The following LINGO1 variants were observed in gnomAD, a reference collection of about 807,000 sequenced individuals.
LINGO1 encodes leucine rich repeat and Ig domain containing 1.
A neutral mutation model predicts 37.3 loss-of-function variants in LINGO1; 11 were observed. The observed-to-expected ratio is 0.29, with a 90% CI of 0.19 to 0.49. LINGO1 has a LOEUF of 0.49. Ranked by LOEUF, LINGO1 falls within the 20% of genes least tolerant of loss-of-function variation. The pLI is 0.99. For synonymous variants in LINGO1, 387 were observed against 403.0 expected, an observed-to-expected ratio of 0.96 and a Z score of 0.48; for missense variants, 585 against 878.2, an observed-to-expected ratio of 0.67 and a Z score of 4.22.
At chr15:77,688,878 G>T (rs1340760319) in intron 2 of LINGO1, among the ~76,000 whole-genome samples, 1 of 152,242 alleles carries the variant, frequency 6.6e-6, no homozygotes, top group Non-Finnish European at 1.5e-5. Context: ...GAGCTTCCTG[G>T]CAGTCAAGAC....
chr15:77,709,887 C>T (rs761042601), intron 2 of LINGO1, among the ~76,000 whole-genome samples: 1 of 152,204 alleles, frequency 6.6e-6, no homozygotes, highest in Non-Finnish European at 1.5e-5. Context: ...GGACTGAGTC[C>T]GTGCATATCA....
At chr15:77,732,495 G>C (rs1458594633) in intron 2 of LINGO1, among the ~76,000 whole-genome samples, 1 of 152,238 alleles carries the variant, frequency 6.6e-6, no homozygotes, top group Non-Finnish European at 1.5e-5. Context: ...AACTCTGGTG[G>C]TGATGATGGG....
At chr15:77,768,645 AG>A (rs1165231481) in intron 1 of LINGO1, among the ~76,000 whole-genome samples, 1 of 151,986 alleles carries the variant, frequency 6.6e-6, no homozygotes, top group African/African-American at 2.4e-5. Flanking sequence ...TATATGGGGG[AG>A]AGAGGCTTAT....
chr15:77,819,108 C>G (rs1166118544), intron 1 of LINGO1, among the ~76,000 whole-genome samples: 1 of 150,560 alleles, frequency 6.6e-6, no homozygotes, highest in African/African-American at 2.4e-5. Flanking sequence ...GCACGCCCCC[C>G]ACGGACGCGC....
intron 1 of LINGO1, among the ~76,000 whole-genome samples, chr15:77,694,779 G>A (rs971636646): frequency 3.3e-5 from 5 of 152,282 alleles, no homozygotes; most frequent in East Asian, 3.9e-4. Context: ...ACGAGGCGTC[G>A]TTCTTACCCC....
At chr15:77,778,949 C>T (rs1001362498) in intron 1 of LINGO1, among the ~76,000 whole-genome samples, 3 of 152,152 alleles carry the variant, frequency 2.0e-5, no homozygotes, top group African/African-American at 7.2e-5. Context: ...ACAATTCCTC[C>T]CCTCTCTTAC....
rs372251111 is a variant in LINGO1, at chr15:77,615,571, G to A, written c.336C>T (p.Pro112=). The A allele has an allele frequency of 1.1e-4, 179 of 1,611,594 alleles. No homozygotes were observed. Among genetic ancestry groups the A allele is most frequent in the Non-Finnish European group, 1.5e-4 (171 of 1,178,896 alleles). Residue 112 remains proline, a synonymous_variant, in exon 2 of 2, where the codon CCC becomes CCT. Coordinates refer to ENST00000355300, the MANE Select transcript of LINGO1 (RefSeq NM_032808.7). ...GGTTGAAGAGGTTGTTGAAGGCGCC[G>A]GGCTCCACGGCGCTCACGATGTTCT... is the stretch of plus-strand genomic sequence containing the variant. ...LNENIVSAVE[P]GAFNNLFNLR...
upstream of LINGO1, among the ~76,000 whole-genome samples, chr15:77,635,729 C>G (rs563384491): frequency 2.7e-4 from 41 of 152,364 alleles, no homozygotes; most frequent in South Asian, 6.4e-3. Flanking sequence ...CTCCTCTCCC[C>G]AGACTGAAAT....
intron 3 of LINGO1, among the ~76,000 whole-genome samples, chr15:77,664,328 G>A (rs1353902198): frequency 6.6e-6 from 1 of 151,998 alleles, no homozygotes; most frequent in East Asian, 1.9e-4. Flanking sequence ...CAAGGTGAAA[G>A]TCCCTGGATG....
At chr15:77,795,354 C>T (rs1468594243) in intron 2 of LINGO1, among the ~76,000 whole-genome samples, 1 of 152,198 alleles carries the variant, frequency 6.6e-6, no homozygotes, top group Admixed American at 6.5e-5. Context: ...GGGGGTCCTG[C>T]TCCTCGTGAT....
At chr15:77,773,327 T>C (rs1286827018) in intron 1 of LINGO1, among the ~76,000 whole-genome samples, 4 of 152,174 alleles carry the variant, frequency 2.6e-5, no homozygotes, top group Non-Finnish European at 5.9e-5. Context: ...GTTATAACAA[T>C]GTGGCCAGCA....
intron 1 of LINGO1, among the ~76,000 whole-genome samples, chr15:77,757,761 T>C (rs8031251): frequency 0.19 from 29,144 of 152,042 alleles, 4,581 homozygotes; most frequent in African/African-American, 0.44. Context: ...CAAGGCACCA[T>C]AGGCCTCCTA....
chr15:77,672,227 G>A (rs1364920794), intron 3 of LINGO1, among the ~76,000 whole-genome samples: 3 of 124,906 alleles, frequency 2.4e-5, no homozygotes, highest in South Asian at 2.9e-4. Flanking sequence ...TCTCAAGCCC[G>A]GGGGGAAGCT....
chr15:77,759,074 T>C (rs1265340405), intron 1 of LINGO1, among the ~76,000 whole-genome samples: 1 of 152,094 alleles, frequency 6.6e-6, no homozygotes, highest in African/African-American at 2.4e-5. Flanking sequence ...TCTGAAGACC[T>C]GGAAAGCACT....
At chr15:77,697,131 C>T (rs528744700), upstream of LINGO1, among the ~76,000 whole-genome samples, 29 of 152,306 alleles carry the variant, frequency 1.9e-4, no homozygotes, top group African/African-American at 4.6e-4. Context: ...GCAATAGAGC[C>T]GGGGCTCAGT....
intron 2 of LINGO1, among the ~76,000 whole-genome samples, chr15:77,684,553 A>G (rs1237059381): frequency 2.0e-5 from 3 of 152,224 alleles, no homozygotes; most frequent in East Asian, 1.9e-4. Context: ...CCACTGCAGA[A>G]GCTGGGCACG....
chr15:77,701,933 G>C (rs1187589289), intron 2 of LINGO1, among the ~76,000 whole-genome samples: 1 of 152,168 alleles, frequency 6.6e-6, no homozygotes, highest in African/African-American at 2.4e-5. Context: ...AGCTTGCATG[G>C]GGCCAGGAGT....
At chr15:77,655,586 G>A (rs966278655) in intron 3 of LINGO1, among the ~76,000 whole-genome samples, 56 of 152,032 alleles carry the variant, frequency 3.7e-4, no homozygotes, top group Non-Finnish European at 1.0e-4. Flanking sequence ...GCCATTTAAT[G>A]ACAGCCACTC....
rs763226484 is a variant in LINGO1 at position 77,614,509 on chromosome 15, G to A, written c.1398C>T (p.Val466=). 3.7e-6 allele frequency: 6 copies of A among 1,610,782 alleles called. No homozygotes were observed. In the South Asian group the frequency reaches 5.5e-5, roughly 15 times the overall value. Residue 466 remains valine (V), a synonymous_variant, in exon 2 of 2, where the codon GTC becomes GTT. Transcript: ENST00000355300. ...TGAGCCGCCCATTGCTCTTGGCTGA[G>A]ACCAGGTGCTTTCGGGGTGAGAGCC... ...ILWLSPRKHL[V]SAKSNGRLTV...
Sources: allele counts gnomAD v4.1 joint callset (sites outside exome capture counted in the v4.1 genomes callset), GRCh38; gene constraint gnomAD v4.1.1; transcripts MANE v1.5; gene names NCBI Gene and HGNC (gene_info 2026-07-23, HGNC 2026-07-21).